The following WWOX variants were observed in gnomAD, a reference collection of about 807,000 sequenced individuals.
WWOX encodes the protein WW domain-containing oxidoreductase.
A neutral mutation model predicts 46.2 loss-of-function variants in WWOX; 69 were observed. That is an observed-to-expected ratio of 1.49 (90% CI 1.23 to 1.82). The LOEUF is 1.82. WWOX is among the 40% of genes most tolerant of loss of function. WWOX has a pLI of 0.00. For missense variants in WWOX, 919 were observed against 542.6 expected, an observed-to-expected ratio of 1.69 and a Z score of -6.89; for synonymous variants, 359 against 202.6, an observed-to-expected ratio of 1.77 and a Z score of -6.56.
At chr16:78,218,588 A>G (rs1245532845) in intron 5 of WWOX, among the ~76,000 whole-genome samples, 1 of 152,202 alleles carries the variant, frequency 6.6e-6, no homozygotes, top group Non-Finnish European at 1.5e-5. Context: ...TAAGGAAAAA[A>G]AAAATGTCAC....
chr16:78,328,102 G>A (rs2151889622), intron 5 of WWOX, among the ~76,000 whole-genome samples: 1 of 152,084 alleles, frequency 6.6e-6, no homozygotes, highest in Non-Finnish European at 1.5e-5. Context: ...TTGAACTCCT[G>A]GCCTCATGTG....
intron 8 of WWOX, among the ~76,000 whole-genome samples, chr16:78,488,497 T>C (rs2084695661): frequency 6.6e-6 from 1 of 152,190 alleles, no homozygotes; most frequent in Non-Finnish European, 1.5e-5. Context: ...GACTTTCTGA[T>C]TTTTCAACTG....
At chr16:78,770,025 C>G (rs1218042585) in intron 8 of WWOX, among the ~76,000 whole-genome samples, 3 of 151,316 alleles carry the variant, frequency 2.0e-5, no homozygotes, top group Admixed American at 6.6e-5. Context: ...GCCTGGGTGA[C>G]AGAGTGAGAC....
At chr16:78,614,785 G>T (rs74864113) in intron 8 of WWOX, among the ~76,000 whole-genome samples, 2,205 of 152,244 alleles carry the variant, frequency 0.014, 67 homozygotes, top group African/African-American at 0.051. Flanking sequence ...TTTTGTTTTG[G>T]TTTTTAAATG....
intron 8 of WWOX, among the ~76,000 whole-genome samples, chr16:78,688,282 T>C (rs2047906837): frequency 6.6e-6 from 1 of 152,036 alleles, no homozygotes; most frequent in Non-Finnish European, 1.5e-5. Flanking sequence ...GCATCGTCTT[T>C]ATCCTTAGAT....
chr16:78,464,732 T>G (rs1027425358), intron 8 of WWOX, among the ~76,000 whole-genome samples: 2 of 152,130 alleles, frequency 1.3e-5, no homozygotes, highest in Non-Finnish European at 2.9e-5. Flanking sequence ...TTGTTCATAT[T>G]CATAAAGGGC....
intron 8 of WWOX, among the ~76,000 whole-genome samples, chr16:78,539,391 G>A (rs527519047): frequency 6.6e-6 from 1 of 152,196 alleles, no homozygotes; most frequent in Non-Finnish European, 1.5e-5. Flanking sequence ...CATTGTTGTA[G>A]CCTTAGAAAA....
intron 5 of WWOX, chr16:78,265,917 C>T (rs2079353398): frequency 6.6e-6 from 1 of 152,178 alleles, no homozygotes; most frequent in African/African-American, 2.4e-5. Context: ...ATCCTCAAAA[C>T]ACATTGATGA....
At chr16:78,890,906 C>G (rs1383239737) in intron 8 of WWOX, 2 of 152,108 alleles carry the variant, frequency 1.3e-5, no homozygotes, top group Non-Finnish European at 2.9e-5. Flanking sequence ...ATAACTGAAT[C>G]AATCTCCTTT....
chr16:78,614,597 G>C (rs983770171), intron 8 of WWOX, among the ~76,000 whole-genome samples: 1 of 152,280 alleles, frequency 6.6e-6, no homozygotes, highest in South Asian at 2.1e-4. Context: ...GAATGTGTGG[G>C]TCTTTGAGCT....
At chr16:78,834,762 G>C (rs1466215523) in intron 8 of WWOX, among the ~76,000 whole-genome samples, 1 of 152,142 alleles carries the variant, frequency 6.6e-6, no homozygotes, top group Non-Finnish European at 1.5e-5. Flanking sequence ...CTAACTTCAG[G>C]ATGTTGCGTA....
At chr16:78,300,666 A>C (rs2080024485) in intron 5 of WWOX, among the ~76,000 whole-genome samples, 1 of 152,174 alleles carries the variant, frequency 6.6e-6, no homozygotes, top group African/African-American at 2.4e-5. Flanking sequence ...TTATGATTTC[A>C]ATTCAGTAAC....
chr16:78,100,031 C>G (rs1447422025), intron 1 of WWOX, 146 bp downstream of exon 1: 4 of 1,446,276 alleles, frequency 2.8e-6, no homozygotes, highest in Non-Finnish European at 3.6e-6. Flanking sequence ...GGAAAAGGGT[C>G]CAGGGTTCCC....
chr16:78,666,027 G>A (rs143918713), intron 8 of WWOX, among the ~76,000 whole-genome samples: 4,247 of 151,238 alleles, frequency 0.028, 108 homozygotes, highest in East Asian at 0.11. Context: ...GCTCATGCCT[G>A]TAATCCCAAC....
At chr16:78,387,035 G>T in intron 6 of WWOX, 87 bp downstream of exon 6, 2 of 1,375,310 alleles carry the variant, frequency 1.5e-6, no homozygotes, top group South Asian at 2.3e-5. Flanking sequence ...AGAATGCAAG[G>T]CTGTTGTGTT....
chr16:78,911,879 C>G (rs1482470258), intron 8 of WWOX, among the ~76,000 whole-genome samples: 2 of 151,782 alleles, frequency 1.3e-5, no homozygotes, highest in South Asian at 2.1e-4. Context: ...AAGAAAAACT[C>G]AACGAAACAC....
At position 78,605,751 on chromosome 16, in the gene WWOX, A is replaced by T. The variant is rs144304712; in HGVS notation, c.1056+172999A>T. ...AAATAGCCAGTTATCTTTGCCCTTC[A>T]TGGAAAGGATAGGAAGAAGCTCTGA... On this transcript the variant is annotated intron_variant, in intron 8 of 8. Transcript: ENST00000566780. Among the ~76,000 whole-genome samples the T allele has an allele frequency of 3.3e-5, 5 of 152,292 alleles. No individual in the cohort carries two copies. The East Asian group carries it at 9.7e-4, about 29-fold the overall frequency.
intron 8 of WWOX, among the ~76,000 whole-genome samples, chr16:78,978,870 A>G (rs1435268718): frequency 6.6e-6 from 1 of 152,178 alleles, no homozygotes; most frequent in Non-Finnish European, 1.5e-5. Context: ...TTACAATTCA[A>G]CATGAGATTT....
intron 8 of WWOX, among the ~76,000 whole-genome samples, chr16:78,619,421 C>A (rs980614791): frequency 1.4e-5 from 2 of 145,230 alleles, no homozygotes; most frequent in South Asian, 4.5e-4. Context: ...AGGTGTATAT[C>A]TCAACAAATT....
Sources: gnomAD v4.1 joint callset for allele counts (sites outside exome capture counted in the v4.1 genomes callset) on GRCh38, gnomAD v4.1.1 for gene constraint, MANE v1.5 for transcripts, NCBI Gene and HGNC (gene_info 2026-07-23, HGNC 2026-07-21) for gene names.